The following ULK4 variants were observed in gnomAD, a reference collection of about 807,000 sequenced individuals.
ULK4 encodes the protein unc-51 like kinase 4.
A neutral mutation model predicts 160.6 loss-of-function variants in ULK4; 133 were observed. That is an observed-to-expected ratio of 0.83 (90% CI 0.72 to 0.96). The LOEUF (loss-of-function observed/expected upper bound fraction) is 0.96. Ranked by LOEUF, ULK4 falls within the 40% of genes least tolerant of loss-of-function variation. The pLI is 0.00. For synonymous variants in ULK4, 534 were observed against 539.8 expected, an observed-to-expected ratio of 0.99 and a Z score of 0.15; for missense variants, 1,580 against 1,499.5, an observed-to-expected ratio of 1.05 and a Z score of -0.89.
intron 34 of ULK4, among the ~76,000 whole-genome samples, chr3:41,450,089 C>T (rs1256801671): frequency 6.6e-6 from 1 of 151,828 alleles, no homozygotes; most frequent in Non-Finnish European, 1.5e-5. Flanking sequence ...AATTAAGGGA[C>T]AAGCAGGCTG....
At chr3:41,595,430 G>A (rs544722355) in intron 31 of ULK4, among the ~76,000 whole-genome samples, 1 of 152,350 alleles carries the variant, frequency 6.6e-6, no homozygotes, top group African/African-American at 2.4e-5. Flanking sequence ...TCCTAGAAAA[G>A]AAGGCTAATG....
At chr3:41,841,185 CGCCTCTGCCCGGCCGCCCCGCCTGGG>C (rs2041912573) in intron 17 of ULK4, among the ~76,000 whole-genome samples, 1 of 148,096 alleles carries the variant, frequency 6.8e-6, no homozygotes, top group African/African-American at 2.6e-5. Flanking sequence ...AGGTGAGGAG[CGCCTCTGCCCGGCCGCCCCGCCTGGG>C]AGGTGGGGAG....
chr3:41,295,652 T>C lies in ULK4; in HGVS notation c.3679-46078A>G, dbSNP rs1188938792. On this transcript the variant is annotated intron_variant, in intron 35 of 36. Coordinates refer to ENST00000301831, the MANE Select transcript of ULK4 (RefSeq NM_017886.4). Reference sequence around the variant, plus strand: ...AACAGACACCTCACCAAAGAAGATATATAGATGGCAAATAAGCATATGAAA... The same window carrying C: ...AACAGACACCTCACCAAAGAAGATACATAGATGGCAAATAAGCATATGAAA... 2.4e-5 allele frequency among the ~76,000 whole-genome samples: 2 copies of C among 84,770 alleles called. 1 individual carries two copies. The highest frequency in any genetic ancestry group is 2.0e-4 in the Admixed American group (2 of 9,782). 55.6% of individuals were successfully genotyped at this position (84,770 alleles called of 152,430 possible).
At chr3:41,935,209 A>ATTTTTTTTTT (rs10524611) in intron 4 of ULK4, among the ~76,000 whole-genome samples, 1 of 135,552 alleles carries the variant, frequency 7.4e-6, no homozygotes, top group East Asian at 2.1e-4. Context: ...TTATTTATTT[A>ATTTTTTTTTT]TTTTTTTTTT....
At chr3:41,781,764 C>A (rs1164813216) in intron 21 of ULK4, among the ~76,000 whole-genome samples, 1 of 152,086 alleles carries the variant, frequency 6.6e-6, no homozygotes. Context: ...CATGGTGAAA[C>A]CCCAGCTCTA....
chr3:41,856,445 A>G (rs1350336539), intron 17 of ULK4, among the ~76,000 whole-genome samples: 2 of 148,964 alleles, frequency 1.3e-5, no homozygotes, highest in Non-Finnish European at 3.0e-5. Flanking sequence ...ACAACTAAGA[A>G]AACTACACCA....
At chr3:41,451,067 G>A (rs1276957129) in intron 34 of ULK4, among the ~76,000 whole-genome samples, 1 of 152,060 alleles carries the variant, frequency 6.6e-6, no homozygotes, top group African/African-American at 2.4e-5. Flanking sequence ...CATCACCATT[G>A]GGCTGCAGGG....
chr3:41,641,776 T>C (rs2034208495), intron 30 of ULK4, among the ~76,000 whole-genome samples: 1 of 152,044 alleles, frequency 6.6e-6, no homozygotes, highest in Non-Finnish European at 1.5e-5. Flanking sequence ...TGTAACATAT[T>C]TTTCCCAATT....
chr3:41,601,106 G>A (rs1056930915), intron 31 of ULK4, among the ~76,000 whole-genome samples: 8 of 152,096 alleles, frequency 5.3e-5, no homozygotes, highest in Non-Finnish European at 8.8e-5. Flanking sequence ...TTCTTTAGGA[G>A]AAAAAATCCA....
intron 35 of ULK4, among the ~76,000 whole-genome samples, chr3:41,306,523 G>A (rs1244409592): frequency 6.8e-6 from 1 of 147,852 alleles, no homozygotes; most frequent in East Asian, 2.0e-4. Context: ...GGAGGGAGGT[G>A]GGGGGGTCAG....
chr3:41,319,271 C>T (rs1408823390), intron 35 of ULK4, among the ~76,000 whole-genome samples: 1 of 152,118 alleles, frequency 6.6e-6, no homozygotes, highest in African/African-American at 2.4e-5. Context: ...GACTTAAACT[C>T]TTCAACTTAT....
At chr3:41,815,156 C>G (rs2040928318) in intron 19 of ULK4, among the ~76,000 whole-genome samples, 1 of 152,198 alleles carries the variant, frequency 6.6e-6, no homozygotes, top group Non-Finnish European at 1.5e-5. Flanking sequence ...ATCCGCCTGC[C>G]TTGGCCTCCC....
At chr3:41,532,955 A>G (rs1325156610) in intron 32 of ULK4, among the ~76,000 whole-genome samples, 1 of 152,238 alleles carries the variant, frequency 6.6e-6, no homozygotes, top group Non-Finnish European at 1.5e-5. Context: ...CTCTCAACCA[A>G]TAAAATGTGA....
intron 32 of ULK4, among the ~76,000 whole-genome samples, chr3:41,560,879 G>C (rs1470958296): frequency 6.6e-6 from 1 of 152,168 alleles, no homozygotes; most frequent in Admixed American, 6.5e-5. Context: ...TGACTGCCCT[G>C]GCAGGAACTT....
chr3:41,543,189 C>T (rs1254932061), intron 32 of ULK4, among the ~76,000 whole-genome samples: 1 of 152,056 alleles, frequency 6.6e-6, no homozygotes, highest in East Asian at 1.9e-4. Context: ...ATGAAAGTGT[C>T]TATAGTGGTG....
At chr3:41,844,257 C>A (rs1295036983) in intron 17 of ULK4, among the ~76,000 whole-genome samples, 1 of 152,096 alleles carries the variant, frequency 6.6e-6, no homozygotes, top group Non-Finnish European at 1.5e-5. Flanking sequence ...GCACAGGAGC[C>A]CGCGGAGGGG....
At chr3:41,807,005 A>G (rs55682201) in intron 19 of ULK4, among the ~76,000 whole-genome samples, 18,741 of 151,888 alleles carry the variant, frequency 0.12, 1,316 homozygotes, top group Middle Eastern at 0.26. Context: ...GTACACGCCT[A>G]TAGTCCCTGC....
chr3:41,668,784 T>A (rs963924923), intron 29 of ULK4, among the ~76,000 whole-genome samples: 5 of 151,994 alleles, frequency 3.3e-5, no homozygotes, highest in Non-Finnish European at 5.9e-5. Context: ...AAGGAAAAAA[T>A]TTTGACTTTA....
intron 31 of ULK4, among the ~76,000 whole-genome samples, chr3:41,595,730 CAGAG>C (rs1401710660): frequency 6.6e-6 from 1 of 152,096 alleles, no homozygotes; most frequent in Admixed American, 6.5e-5. Flanking sequence ...GAAGTAATAA[CAGAG>C]AGTGATTAAG....
Sources: gnomAD v4.1 joint callset for allele counts (sites outside exome capture counted in the v4.1 genomes callset) on GRCh38, gnomAD v4.1.1 for gene constraint, MANE v1.5 for transcripts, NCBI Gene and HGNC (gene_info 2026-07-23, HGNC 2026-07-21) for gene names.